KSR1: variants seen among roughly 807,000 people sequenced by gnomAD.
KSR1 encodes kinase suppressor of ras.
Under a neutral mutation model 92.9 loss-of-function variants are expected in KSR1, and 35 were observed. That is an observed-to-expected ratio of 0.38 (90% CI 0.29 to 0.50). The LOEUF (loss-of-function observed/expected upper bound fraction) is 0.50, where lower values mean the gene tolerates loss of function less well. KSR1 is among the 20% of genes least tolerant of loss of function. The pLI, the probability that KSR1 is intolerant of heterozygous loss-of-function variation, is 0.94. For synonymous variants in KSR1, 467 were observed against 472.6 expected (o/e 0.99, Z 0.15); for missense variants, 972 against 1,158.5 (o/e 0.84, Z 2.34).
chr17:27,566,912 A>G (rs2072098226), intron 2 of KSR1, among the ~76,000 whole-genome samples: 1 of 152,166 alleles, frequency 6.6e-6, no homozygotes. Flanking sequence ...AGGCTGATCC[A>G]GCTCTACCTC....
intron 18 of KSR1, among the ~76,000 whole-genome samples, chr17:27,615,604 C>T (rs1046735211): frequency 6.6e-6 from 1 of 152,212 alleles, no homozygotes; most frequent in Non-Finnish European, 1.5e-5. Flanking sequence ...GAATCTGTTA[C>T]ATTCTTTTCA....
intron 1 of KSR1, among the ~76,000 whole-genome samples, chr17:27,506,715 G>T (rs1208650052): frequency 8.0e-6 from 1 of 124,502 alleles, no homozygotes; most frequent in East Asian, 2.5e-4. Flanking sequence ...ATTTTTCTGT[G>T]GTGCGAGTGT....
At chr17:27,602,174 CT>C (rs752377112) in intron 11 of KSR1, among the ~76,000 whole-genome samples, 1 of 152,074 alleles carries the variant, frequency 6.6e-6, no homozygotes, top group East Asian at 1.9e-4. Context: ...TTACTCCAGG[CT>C]TTTCTATTCC....
At chr17:27,501,850 T>G (rs2069202987) in intron 1 of KSR1, among the ~76,000 whole-genome samples, 1 of 152,252 alleles carries the variant, frequency 6.6e-6, no homozygotes, top group African/African-American at 2.4e-5. Flanking sequence ...CTAAATACTT[T>G]CCATACATTG....
intron 1 of KSR1, among the ~76,000 whole-genome samples, chr17:27,530,210 T>A (rs1371891702): frequency 6.6e-6 from 1 of 152,064 alleles, no homozygotes; most frequent in Non-Finnish European, 1.5e-5. Flanking sequence ...TTTGGGTGGC[T>A]GATGTGGGTG....
At chr17:27,588,648 TC>T in intron 6 of KSR1, 113 bp downstream of exon 6, 1 of 952,794 alleles carries the variant, frequency 1.0e-6, no homozygotes, top group Non-Finnish European at 1.5e-6. Flanking sequence ...GACGGGCCTG[TC>T]CATTTCACCT....
chr17:27,560,298 T>G, intron 2 of KSR1: 5 of 376,160 alleles, frequency 1.3e-5, no homozygotes, highest in Middle Eastern at 5.2e-4. Context: ...AATTTCCCGG[T>G]TGGAAGTTGT....
At chr17:27,601,251 C>A in intron 10 of KSR1, 109 bp from the exon 11 acceptor site, 1 of 930,652 alleles carries the variant, frequency 1.1e-6, no homozygotes, top group Non-Finnish European at 1.7e-6. Context: ...GTAGGGCTGT[C>A]CCAGCCCAGT....
intron 1 of KSR1, among the ~76,000 whole-genome samples, chr17:27,488,415 G>C (rs920439711): frequency 5.9e-5 from 9 of 151,798 alleles, no homozygotes; most frequent in Admixed American, 5.9e-4. Context: ...ACCATTATTA[G>C]TAGTAGTTTT....
chr17:27,468,700 A>G (rs1165800338), intron 1 of KSR1, among the ~76,000 whole-genome samples: 2 of 152,206 alleles, frequency 1.3e-5, no homozygotes, highest in Non-Finnish European at 1.5e-5. Context: ...GTGTTTTCCT[A>G]TGAAAAGGCA....
intron 1 of KSR1, among the ~76,000 whole-genome samples, chr17:27,516,468 C>A (rs2069798088): frequency 6.6e-6 from 1 of 152,096 alleles, no homozygotes; most frequent in Non-Finnish European, 1.5e-5. Context: ...TCTTCATGTG[C>A]CTTTGTCCTC....
intron 3 of KSR1, chr17:27,578,572 T>A (rs1470121686): frequency 6.6e-6 from 1 of 152,246 alleles, no homozygotes; most frequent in Non-Finnish European, 1.5e-5. Flanking sequence ...AGGGCTTGGG[T>A]AAGGGCACAC....
chr17:27,505,457 G>T (rs903419937), intron 1 of KSR1, among the ~76,000 whole-genome samples: 1 of 152,222 alleles, frequency 6.6e-6, no homozygotes, highest in African/African-American at 2.4e-5. Flanking sequence ...TGATTTGCTC[G>T]GATGCAGGCA....
intron 1 of KSR1, among the ~76,000 whole-genome samples, chr17:27,484,405 T>C (rs2068602789): frequency 6.6e-6 from 1 of 152,198 alleles, no homozygotes; most frequent in African/African-American, 2.4e-5. Context: ...CTAATTTCTA[T>C]ATTTTTGGTA....
chr17:27,526,653 A>T, intron 1 of KSR1: 2 of 1,561,388 alleles, frequency 1.3e-6, no homozygotes, highest in Non-Finnish European at 1.8e-6. Flanking sequence ...CCTTCCTGAG[A>T]GATTTTGCTC....
At chr17:27,488,980 A>C (rs116539452) in intron 1 of KSR1, among the ~76,000 whole-genome samples, 37 of 152,106 alleles carry the variant, frequency 2.4e-4, no homozygotes, top group African/African-American at 8.9e-4. Context: ...ATTTTTTTTT[A>C]AAAAATGTCG....
chr17:27,538,089 G>A (rs2070816685), intron 1 of KSR1, among the ~76,000 whole-genome samples: 1 of 152,232 alleles, frequency 6.6e-6, no homozygotes, highest in Admixed American at 6.5e-5. Flanking sequence ...AGAAGAATGA[G>A]GGATACCTTC....
At chr17:27,502,304 G>A (rs377537480) in intron 1 of KSR1, among the ~76,000 whole-genome samples, 186 of 152,188 alleles carry the variant, frequency 1.2e-3, no homozygotes, top group African/African-American at 3.9e-3. Context: ...GTGGTCCTGC[G>A]AAGACAAGGT....
chr17:27,563,757 C>G (rs1022491951), intron 2 of KSR1, among the ~76,000 whole-genome samples: 1 of 152,178 alleles, frequency 6.6e-6, no homozygotes, highest in African/African-American at 2.4e-5. Flanking sequence ...TTTGTATGTT[C>G]TGTTTCCTCT....
Sources: allele counts gnomAD v4.1 joint callset (sites outside exome capture counted in the v4.1 genomes callset), GRCh38; gene constraint gnomAD v4.1.1; transcripts MANE v1.5; gene names NCBI Gene and HGNC (gene_info 2026-07-23, HGNC 2026-07-21).